CEP68: variants seen among roughly 807,000 people sequenced by gnomAD.
CEP68 encodes the protein centrosomal protein of 68 kDa.
A neutral mutation model predicts 55.3 loss-of-function variants in CEP68; 26 were observed. That is an observed-to-expected ratio of 0.47 (90% CI 0.34 to 0.65). The LOEUF is 0.65. Among genes scored for constraint, CEP68 ranks in the 30% least tolerant of loss-of-function variants. The pLI, the probability that CEP68 is intolerant of heterozygous loss-of-function variation, is 0.01. For synonymous variants in CEP68, 402 were observed against 383.2 expected (o/e 1.05, Z -0.57); for missense variants, 957 against 946.7 (o/e 1.01, Z -0.14).
At chr2:65,078,679 T>C (rs6546124) in intron 5 of CEP68, among the ~76,000 whole-genome samples, 96,639 of 152,140 alleles carry the variant, frequency 0.64, 31,187 homozygotes, top group Non-Finnish European at 0.69. Flanking sequence ...GTAGCTGGGA[T>C]TACAGGCATG....
intron 1 of CEP68, among the ~76,000 whole-genome samples, chr2:65,066,158 G>A (rs1260744057): frequency 6.6e-6 from 1 of 152,050 alleles, no homozygotes; most frequent in Non-Finnish European, 1.5e-5. Flanking sequence ...ATTCACCTAA[G>A]TATATGTTTT....
chr2:65,073,198 C>G (rs192550888), intron 3 of CEP68: 2 of 624,102 alleles, frequency 3.2e-6, no homozygotes, highest in Non-Finnish European at 5.8e-6. Context: ...GGTTAGGTAA[C>G]GTGCCCACTT....
intron 3 of CEP68, chr2:65,074,061 T>C (rs1676641082): frequency 2.0e-6 from 1 of 508,462 alleles, no homozygotes; most frequent in South Asian, 2.2e-5. Context: ...AAGGCTGGGT[T>C]TTCTCAGCCT....
rs1204756476 is a variant in CEP68, at chr2:65,086,053, G to C, written c.*2419G>C. 1.4e-5 allele frequency: 2 copies of C among 144,932 alleles called. No homozygotes were observed. Among genetic ancestry groups the C allele is most frequent in the African/African-American group, 2.5e-5 (1 of 39,218 alleles). 9.0% of individuals were successfully genotyped at this position (144,932 alleles called of 1,614,324 possible). A position where few individuals can be genotyped will look rare whatever the true frequency, so the allele number is the denominator to read the frequency against. Reference sequence around the variant, plus strand: ...TGGGTTCTTGGAGATCCATAGGTAAGCTCAGCAAATGGAAGACGACGTCAA... The same window carrying C: ...TGGGTTCTTGGAGATCCATAGGTAACCTCAGCAAATGGAAGACGACGTCAA... On this transcript the variant is annotated 3_prime_UTR_variant, in exon 7 of 7. Coordinates refer to ENST00000377990, the MANE Select transcript of CEP68 (RefSeq NM_015147.3).
At position 65,058,232 on chromosome 2, in the gene CEP68, G is replaced by T. The variant is rs1390007359; in HGVS notation, c.-47+1704G>T. Among the ~76,000 whole-genome samples, 6 of 152,084 alleles carry T rather than the reference G, an allele frequency of 3.9e-5. No individual in the cohort carries two copies. In the East Asian group the frequency reaches 1.2e-3, roughly 29 times the overall value. ...ATCCGATCCCTTTTTTTGAGACAGG[G>T]TCTCACTCCATCACCCAGGCTGGAG... On this transcript the variant is annotated intron_variant, in intron 1 of 6. Coordinates refer to ENST00000377990, the MANE Select transcript of CEP68 (RefSeq NM_015147.3).
chr2:65,074,324 A>G lies in CEP68; in HGVS notation c.1927A>G (p.Asn643Asp). Residue 643 changes from asparagine (N) to aspartate (D), a missense_variant, in exon 4 of 7, where the codon AAT (asparagine) becomes GAT (aspartate). Transcript: ENST00000377990. ...GGAAGAGCTGATCTGCTGGCTGTAT[A>G]ATGTTGCAGATGTTACTGACCACGG... ...QLEELICWLY[N>D]VADVTDHGTA... 6.2e-7 allele frequency: 1 copy of G among 1,614,162 alleles called. No homozygotes were observed. Among genetic ancestry groups the G allele is most frequent in the Non-Finnish European group, 8.5e-7 (1 of 1,179,996 alleles).
chr2:65,074,606 C>G, intron 4 of CEP68: 1 of 700,286 alleles, frequency 1.4e-6, no homozygotes, highest in Admixed American at 2.4e-5. Flanking sequence ...CCAAATGGAG[C>G]TTGAAGATAC....
In CEP68 at chr2:65,068,193, A is replaced by G. The variant is rs535227796; in HGVS notation, c.-46-1206A>G. Among the ~76,000 whole-genome samples, 202 of 152,146 alleles carry G rather than the reference A, an allele frequency of 1.3e-3. 3 individuals are homozygous for G. Among genetic ancestry groups the G allele is most frequent in the African/African-American group, 4.7e-3 (196 of 41,496 alleles). Reference sequence around the variant, plus strand: ...ACCTCCCCTTCCACATCCTCCCAGCATTGGTCTTCCTCCTGTTGGCTTTTT... The same window carrying G: ...ACCTCCCCTTCCACATCCTCCCAGCGTTGGTCTTCCTCCTGTTGGCTTTTT... On this transcript the variant is annotated intron_variant, in intron 1 of 6. Transcript: ENST00000377990.
At chr2:65,059,508 A>G (rs1026141219) in intron 1 of CEP68, among the ~76,000 whole-genome samples, 8 of 151,856 alleles carry the variant, frequency 5.3e-5, no homozygotes, top group African/African-American at 1.9e-4. Flanking sequence ...ATTTCTGGGG[A>G]CTCCCTTTCA....
At chr2:65,076,186 G>A (rs1463321901) in intron 4 of CEP68, among the ~76,000 whole-genome samples, 3 of 152,262 alleles carry the variant, frequency 2.0e-5, no homozygotes, top group South Asian at 2.1e-4. Flanking sequence ...CAGACTCCAC[G>A]TGCATGCACG....
chr2:65,079,924 G>A (rs549272770), intron 5 of CEP68, among the ~76,000 whole-genome samples: 43 of 152,150 alleles, frequency 2.8e-4, no homozygotes, highest in East Asian at 7.7e-4. Context: ...ACCTGAGATC[G>A]GGAGTTTGAG....
chr2:65,080,645 C>G, intron 5 of CEP68: 1 of 622,792 alleles, frequency 1.6e-6, no homozygotes, highest in Non-Finnish European at 2.0e-6. Context: ...TGGCGAAACC[C>G]CATCTCTACT....
At position 65,071,918 on chromosome 2, in the gene CEP68, G is replaced by T. The variant is rs763869943; in HGVS notation, c.822G>T (p.Trp274Cys). Residue 274 changes from tryptophan (W) to cysteine (C), a missense_variant, in exon 3 of 7, where the codon TGG (tryptophan) becomes TGT (cysteine). Trp to Cys is a radical substitution (Grantham distance 215). Transcript: ENST00000377990. ...GCCTCTCCTTCCAGGCTGAGTACTG[G>T]GCCTGTGTGCTGCCAGATTCCCTGC... ...RRRLSFQAEYWACVLPDSLPP... is the reference protein window; with the variant it reads ...RRRLSFQAEYCACVLPDSLPP... The T allele has an allele frequency of 6.2e-7, 1 of 1,613,070 alleles. No individual in the cohort carries two copies. The highest frequency in any genetic ancestry group is 2.2e-5 in the East Asian group (1 of 44,858).
In CEP68 at chr2:65,071,615, A is replaced by G. The variant is rs377760779; in HGVS notation, c.519A>G (p.Ser173=). ...ACCTCAGCCAGCAGCCTCACAGCTCAGGTCTCTCTTGCCTGTCACAGTGGA... is the reference window on the plus strand; with the variant it reads ...ACCTCAGCCAGCAGCCTCACAGCTCGGGTCTCTCTTGCCTGTCACAGTGGA... ...ALDLSQQPHS[S]GLSCLSQWKS... The change falls in exon 3 of 7, where the codon TCA becomes TCG. Residue 173 remains serine, a synonymous_variant. Coordinates refer to ENST00000377990, the MANE Select transcript of CEP68 (RefSeq NM_015147.3). The G allele has an allele frequency of 6.2e-7, 1 of 1,613,796 alleles. No homozygotes were observed.
intron 4 of CEP68, among the ~76,000 whole-genome samples, chr2:65,075,473 GTTTC>G (rs759552652): frequency 1.3e-5 from 2 of 152,222 alleles, no homozygotes; most frequent in East Asian, 1.9e-4. Context: ...TAGTTTTCTT[GTTTC>G]TTTTTCATTA....
chr2:65,059,350 A>C (rs758743728), intron 1 of CEP68, among the ~76,000 whole-genome samples: 1 of 152,196 alleles, frequency 6.6e-6, no homozygotes, highest in Non-Finnish European at 1.5e-5. Flanking sequence ...CTCCCTTGGC[A>C]TATTGGTTTC....
intron 1 of CEP68, among the ~76,000 whole-genome samples, chr2:65,065,897 A>C (rs1676141006): frequency 6.6e-6 from 1 of 151,820 alleles, no homozygotes; most frequent in Admixed American, 6.6e-5. Context: ...CGGAGGTTGC[A>C]GTGAGCCAAG....
intron 1 of CEP68, among the ~76,000 whole-genome samples, chr2:65,059,420 A>C (rs1675806895): frequency 6.6e-6 from 1 of 152,202 alleles, no homozygotes; most frequent in Non-Finnish European, 1.5e-5. Flanking sequence ...TGTAACTGGC[A>C]CAGGAGAAAT....
rs1306635041 is a variant in CEP68, at chr2:65,071,692, C to T, written c.596C>T (p.Ser199Phe). 17 of 1,614,086 alleles carry T rather than the reference C, an allele frequency of 1.1e-5. No individual in the cohort carries two copies. In the Admixed American group the frequency reaches 2.8e-4, roughly 27 times the overall value. Reference sequence around the variant, plus strand: ...GCTCAGCCTTCCAGCTGCAGCATCTCTGCTTCCTCCACAGGCAGCAGTCTC... The same window carrying T: ...GCTCAGCCTTCCAGCTGCAGCATCTTTGCTTCCTCCACAGGCAGCAGTCTC... ...SAAQPSSCSI[S>F]ASSTGSSLQG... Residue 199 changes from serine to phenylalanine, a missense_variant, in exon 3 of 7, where the codon TCT becomes TTT. Transcript: ENST00000377990.
Sources: gnomAD v4.1 joint callset for allele counts (sites outside exome capture counted in the v4.1 genomes callset) on GRCh38, gnomAD v4.1.1 for gene constraint, MANE v1.5 for transcripts, NCBI Gene and HGNC (gene_info 2026-07-23, HGNC 2026-07-21) for gene names.